Variants in GRIK1 observed in about 807,000 individuals in gnomAD.
GRIK1 encodes the protein glutamate ionotropic receptor kainate type subunit 1.
A neutral mutation model predicts 105.7 loss-of-function variants in GRIK1; 69 were observed. That is an observed-to-expected ratio of 0.65 (90% CI 0.54 to 0.80). The LOEUF (loss-of-function observed/expected upper bound fraction) is 0.80, where lower values mean the gene tolerates loss of function less well. GRIK1 is among the 30% of genes least tolerant of loss of function. GRIK1 has a pLI of 0.00. For missense variants in GRIK1, 1,109 were observed against 1,167.3 expected, an observed-to-expected ratio of 0.95 and a Z score of 0.73; for synonymous variants, 438 against 431.3, an observed-to-expected ratio of 1.02 and a Z score of -0.19.
chr21:29,592,802 G>A (rs546575649), intron 9 of GRIK1, among the ~76,000 whole-genome samples: 1 of 152,242 alleles, frequency 6.6e-6, no homozygotes, highest in South Asian at 2.1e-4. Flanking sequence ...CTGTCATGAA[G>A]GAATCTGGAC....
intron 1 of GRIK1, among the ~76,000 whole-genome samples, chr21:29,855,382 T>A (rs1294190030): frequency 3.9e-5 from 6 of 152,156 alleles, no homozygotes; most frequent in Non-Finnish European, 8.8e-5. Flanking sequence ...AATACCATCT[T>A]TAAAGAGTGA....
At chr21:29,920,478 C>A (rs577386849) in intron 1 of GRIK1, among the ~76,000 whole-genome samples, 1 of 152,212 alleles carries the variant, frequency 6.6e-6, no homozygotes, top group South Asian at 2.1e-4. Flanking sequence ...ACTTCTTACC[C>A]TGCAAAAGTT....
rs964375005 is a variant in GRIK1 at position 29,561,691 on chromosome 21, T to G, written c.2289A>C (p.Arg763Ser). Residue 763 changes from arginine to serine, a missense_variant, in exon 15 of 18, where the codon AGA becomes AGC. By Grantham distance (110) the Arg-to-Ser change is moderately radical. Transcript: ENST00000327783. Reference protein sequence around the residue: ...ESTSIEYVTQRNCNLTQIGGL... With the variant: ...ESTSIEYVTQSNCNLTQIGGL... ...CCCCGATCTGAGTGAGGTTGCAGTTTCTCTGCGTCACATACTCAATGCTGG... is the reference window on the plus strand; with the variant it reads ...CCCCGATCTGAGTGAGGTTGCAGTTGCTCTGCGTCACATACTCAATGCTGG... 3.7e-6 allele frequency: 6 copies of G among 1,614,020 alleles called. No individual in the cohort carries two copies. In the Admixed American group the frequency reaches 5.0e-5, roughly 13 times the overall value.
At chr21:29,725,031 C>T (rs2064420346) in intron 1 of GRIK1, among the ~76,000 whole-genome samples, 1 of 145,700 alleles carries the variant, frequency 6.9e-6, no homozygotes, top group Non-Finnish European at 1.5e-5. Context: ...AAAAAAGAAA[C>T]TCTACTGCCA....
chr21:29,655,300 C>T (rs1455555961), intron 4 of GRIK1, among the ~76,000 whole-genome samples: 1 of 151,988 alleles, frequency 6.6e-6, no homozygotes, highest in Non-Finnish European at 1.5e-5. Flanking sequence ...CCCAGCTACT[C>T]GGGAGGCTGA....
chr21:29,709,517 G>A (rs964476783), intron 1 of GRIK1, among the ~76,000 whole-genome samples: 1 of 151,868 alleles, frequency 6.6e-6, no homozygotes, highest in East Asian at 1.9e-4. Context: ...CTGACCTCAG[G>A]TAATCTTGAA....
chr21:29,641,691 A>G (rs1326335276), intron 7 of GRIK1, among the ~76,000 whole-genome samples: 1 of 152,192 alleles, frequency 6.6e-6, no homozygotes, highest in African/African-American at 2.4e-5. Flanking sequence ...TCACCCAAGA[A>G]TGAATGTTTC....
chr21:29,633,292 A>T (rs1383670585), intron 7 of GRIK1, among the ~76,000 whole-genome samples: 3 of 152,160 alleles, frequency 2.0e-5, no homozygotes, highest in Non-Finnish European at 4.4e-5. Context: ...TGAAGTCAAG[A>T]GCTGGAGATT....
chr21:29,626,282 G>T (rs970302715), intron 7 of GRIK1, among the ~76,000 whole-genome samples: 3 of 152,028 alleles, frequency 2.0e-5, no homozygotes, highest in Non-Finnish European at 2.9e-5. Context: ...ATCAGGTATG[G>T]ATAACAGCAG....
intron 7 of GRIK1, among the ~76,000 whole-genome samples, chr21:29,603,747 G>C (rs2061562667): frequency 6.6e-6 from 1 of 152,168 alleles, no homozygotes; most frequent in African/African-American, 2.4e-5. Context: ...CTGTCTGAGA[G>C]CTGAGAACAA....
At chr21:29,877,494 T>C (rs1482614077) in intron 1 of GRIK1, among the ~76,000 whole-genome samples, 2 of 152,148 alleles carry the variant, frequency 1.3e-5, no homozygotes, top group Admixed American at 6.6e-5. Context: ...GAATGAAATA[T>C]ATAAATCACT....
intron 1 of GRIK1, among the ~76,000 whole-genome samples, chr21:29,925,608 AT>A (rs548242664): frequency 1.2e-4 from 18 of 152,228 alleles, no homozygotes; most frequent in Non-Finnish European, 2.5e-4. Context: ...GATTTGAAGG[AT>A]TACTTCACAT....
chr21:29,881,749 A>G (rs551451144), intron 1 of GRIK1, among the ~76,000 whole-genome samples: 1 of 152,144 alleles, frequency 6.6e-6, no homozygotes, highest in African/African-American at 2.4e-5. Flanking sequence ...GGAACTCAGT[A>G]CTCTTACATG....
At chr21:29,932,919 TA>T (rs199523753) in intron 1 of GRIK1, among the ~76,000 whole-genome samples, 163 of 143,092 alleles carry the variant, frequency 1.1e-3, no homozygotes, top group East Asian at 3.0e-3. Flanking sequence ...AAGTCTAGTG[TA>T]AAAAAAAAAA....
chr21:29,770,779 C>G (rs771298726), intron 1 of GRIK1, among the ~76,000 whole-genome samples: 2 of 152,112 alleles, frequency 1.3e-5, no homozygotes, highest in Non-Finnish European at 2.9e-5. Context: ...GTCTTTAAAA[C>G]GCTGGTCTCA....
chr21:29,675,635 C>A (rs2063250673), intron 3 of GRIK1, among the ~76,000 whole-genome samples: 1 of 152,084 alleles, frequency 6.6e-6, no homozygotes, highest in South Asian at 2.1e-4. Flanking sequence ...TCATGCTAAG[C>A]CCTGGGGATG....
intron 16 of GRIK1, among the ~76,000 whole-genome samples, chr21:29,543,640 C>T (rs1053705879): frequency 1.3e-5 from 2 of 152,032 alleles, no homozygotes; most frequent in Non-Finnish European, 1.5e-5. Flanking sequence ...TGTTGATCAC[C>T]ATATTAGCTT....
At chr21:29,556,667 A>G (rs1250899714) in intron 15 of GRIK1, among the ~76,000 whole-genome samples, 1 of 152,166 alleles carries the variant, frequency 6.6e-6, no homozygotes, top group African/African-American at 2.4e-5. Context: ...TGTCTTCCCA[A>G]CATGATCTTT....
In GRIK1 at chr21:29,900,459, C is replaced by CAAAAAAAAAA. The variant is rs746842761; in HGVS notation, c.118+38923_118+38924insTTTTTTTTTT. On this transcript the variant is annotated intron_variant, in intron 1 of 17. Coordinates refer to ENST00000327783, the MANE Select transcript of GRIK1 (RefSeq NM_001330994.2). ...GAAGATCTACCAAACAAATGGAAAG[C>CAAAAAAAAAA]AAGAAAAAAAAAAAAAAAAAGCAAG... 1.8e-3 allele frequency among the ~76,000 whole-genome samples: 139 copies of CAAAAAAAAAA among 78,258 alleles called. 7 individuals carry two copies. Among genetic ancestry groups the CAAAAAAAAAA allele is most frequent in the African/African-American group, 2.5e-3 (50 of 19,648 alleles). 51.3% of individuals were successfully genotyped at this position (78,258 alleles called of 152,430 possible).
Sources: gnomAD v4.1 joint callset for allele counts (sites outside exome capture counted in the v4.1 genomes callset) on GRCh38, gnomAD v4.1.1 for gene constraint, MANE v1.5 for transcripts, NCBI Gene and HGNC (gene_info 2026-07-23, HGNC 2026-07-21) for gene names.